The following TBCD variants were observed in gnomAD, a reference collection of about 807,000 sequenced individuals.
The protein encoded by TBCD is tubulin folding cofactor D.
TBCD carries 105 observed loss-of-function variants against 169.3 expected under a neutral mutation model. The observed-to-expected ratio is 0.62, with a 90% CI of 0.53 to 0.73. TBCD has a LOEUF of 0.73. Ranked by LOEUF, TBCD falls within the 30% of genes least tolerant of loss-of-function variation. TBCD has a pLI of 0.00. For missense variants in TBCD, 1,444 were observed against 1,600.1 expected (o/e 0.90, Z 1.66); for synonymous variants, 700 against 643.9 (o/e 1.09, Z -1.32).
intron 2 of TBCD, among the ~76,000 whole-genome samples, chr17:82,761,343 A>T (rs2047743886): frequency 6.6e-6 from 1 of 152,184 alleles, no homozygotes; most frequent in Middle Eastern, 3.2e-3. Context: ...ACGATTATAA[A>T]TTTTTATTCT....
Position 82,831,166 on chromosome 17 carries a change from A to G in TBCD, c.1318+16232A>G, listed in dbSNP as rs2053474523. ...GGCTGCCTTGTTGGAGAGGTCGTAC[A>G]GGCCTTCGCAGGTCTGGCTCGTCTG... On this transcript the variant is annotated intron_variant, in intron 13 of 38. Coordinates refer to ENST00000355528, the MANE Select transcript of TBCD (RefSeq NM_005993.5). The surrounding 1 kb of genome is among the most constrained non-coding windows in gnomAD (Gnocchi z 4.6). 6.2e-7 allele frequency: 1 copy of G among 1,614,000 alleles called. No individual in the cohort carries two copies. The highest frequency in any genetic ancestry group is 8.5e-7 in the Non-Finnish European group (1 of 1,180,036).
Position 82,889,634 on chromosome 17 carries a change from C to T in TBCD, c.1534-34C>T, listed in dbSNP as rs779782218. Reference sequence around the variant, plus strand: ...CTCTGGTGTTGGCGGAAGCTGACCTCGCTCACCTGCTGTGTTTGTTCTTTG... The same window carrying T: ...CTCTGGTGTTGGCGGAAGCTGACCTTGCTCACCTGCTGTGTTTGTTCTTTG... On this transcript the variant is annotated intron_variant, in intron 15 of 38. Coordinates refer to ENST00000355528, the MANE Select transcript of TBCD (RefSeq NM_005993.5). This position sits in a 1 kb window ranked among gnomAD's most constrained non-coding sequence, Gnocchi z 5.3. The T allele has an allele frequency of 1.5e-5, 25 of 1,613,646 alleles. No individual in the cohort carries two copies. Among genetic ancestry groups the T allele is most frequent in the African/African-American group, 4.0e-5 (3 of 74,906 alleles).
intron 9 of TBCD, 114 bp from the exon 10 acceptor site, chr17:82,805,761 C>T (rs1598610803): frequency 3.1e-6 from 4 of 1,287,628 alleles, no homozygotes; most frequent in South Asian, 1.4e-5. Context: ...CTGCAAAGTG[C>T]ATGGAATTTT....
At chr17:82,768,599 A>G (rs368618545) in intron 5 of TBCD, 33 bp downstream of exon 5, 4 of 1,607,934 alleles carry the variant, frequency 2.5e-6, no homozygotes, top group Non-Finnish European at 3.4e-6. Flanking sequence ...GCTGCTAATT[A>G]GTACTCACTT....
In TBCD at chr17:82,927,908, C is replaced by T. The variant is rs754620592; in HGVS notation, c.2613C>T (p.Val871=). 25 of 1,613,394 alleles carry T rather than the reference C, an allele frequency of 1.5e-5. No individual in the cohort carries two copies. The African/African-American group carries it at 2.4e-4, about 16-fold the overall frequency. ...CTGCCTCTCCTTGTCCCATCAGGGT[C>T]CGCAAGGCCGCCATGACCAGTCTGA... ...TDSRGDVGTW[V]RKAAMTSLMD... is the part of the protein sequence containing the mutation. The change falls in exon 30 of 39, where the codon GTC becomes GTT. Residue 871 remains valine, a synonymous_variant. Coordinates refer to ENST00000355528, the MANE Select transcript of TBCD (RefSeq NM_005993.5).
At chr17:82,918,228 G>A (rs1372194725) in intron 23 of TBCD, 2 of 152,316 alleles carry the variant, frequency 1.3e-5, no homozygotes, top group African/African-American at 2.4e-5. Flanking sequence ...GAGTGGCCAT[G>A]TGTGTCTAGT....
At chr17:82,774,670 C>T (rs1039833405) in intron 6 of TBCD, among the ~76,000 whole-genome samples, 3 of 152,018 alleles carry the variant, frequency 2.0e-5, no homozygotes, top group African/African-American at 4.8e-5. Context: ...GGCGGCCGGG[C>T]GGGGGCTGCC....
At position 82,831,011 on chromosome 17, in the gene TBCD, T is replaced by G; in HGVS notation, c.1318+16077T>G. ...CCCTTGGAGGTTTTGAAAATGACAT[T>G]TTCTTACCTTACTGGAGACTCTGCT... On this transcript the variant is annotated intron_variant, in intron 13 of 38. Coordinates refer to ENST00000355528, the MANE Select transcript of TBCD (RefSeq NM_005993.5). This position sits in a 1 kb window ranked among gnomAD's most constrained non-coding sequence, Gnocchi z 4.6. The G allele has an allele frequency of 6.2e-7, 1 of 1,613,996 alleles. No individual in the cohort carries two copies. The highest frequency in any genetic ancestry group is 8.5e-7 in the Non-Finnish European group (1 of 1,180,024).
chr17:82,754,144 C>T (rs1028073490), intron 1 of TBCD, among the ~76,000 whole-genome samples: 4 of 152,076 alleles, frequency 2.6e-5, no homozygotes, highest in African/African-American at 9.7e-5. Flanking sequence ...CAAAGTGAGC[C>T]ACCACGCCCG....
intron 13 of TBCD, among the ~76,000 whole-genome samples, chr17:82,822,845 A>G (rs1598721296): frequency 6.6e-6 from 1 of 152,324 alleles, no homozygotes; most frequent in South Asian, 2.1e-4. Flanking sequence ...AATGGTCTAC[A>G]AAGTTATGGA....
At position 82,923,539 on chromosome 17, in the gene TBCD, C is replaced by G. The variant is rs1478288565; in HGVS notation, c.2179-113C>G. 3.5e-6 allele frequency: 3 copies of G among 861,294 alleles called. No individual in the cohort carries two copies. The South Asian group carries it at 4.5e-5, about 13-fold the overall frequency. 53.4% of individuals were successfully genotyped at this position (861,294 alleles called of 1,614,324 possible). On this transcript the variant is annotated intron_variant, in intron 25 of 38. Transcript: ENST00000355528. This position sits in a 1 kb window ranked among gnomAD's most constrained non-coding sequence, Gnocchi z 4.6. ...GGGGCTGCTCTGACCTCAGGGTGAC[C>G]ACGGTGTCCCTGGTCAGGTGCTTCT...
At chr17:82,768,627 T>C in intron 5 of TBCD, 61 bp downstream of exon 5, 1 of 1,571,480 alleles carries the variant, frequency 6.4e-7, no homozygotes, top group Non-Finnish European at 8.7e-7. Flanking sequence ...CATGCTGTCT[T>C]GATGTTAGTG....
chr17:82,768,393 C>T (rs370221247), intron 4 of TBCD, 27 bp from the exon 5 acceptor site: 56 of 1,613,120 alleles, frequency 3.5e-5, no homozygotes, highest in Non-Finnish European at 3.6e-5. Context: ...AAGCAAGACT[C>T]ATTCTTCCCG....
At chr17:82,827,870 CACAGGCACACGTGCACACCCACA>C (rs2053022005) in intron 13 of TBCD, among the ~76,000 whole-genome samples, 1 of 131,564 alleles carries the variant, frequency 7.6e-6, no homozygotes, top group African/African-American at 3.2e-5. Context: ...CACACCCCCC[CACAGGCACACGTGCACACCCACA>C]CAATCTAATG....
At chr17:82,763,783 A>G (rs1229403550) in intron 2 of TBCD, among the ~76,000 whole-genome samples, 182 bp from the exon 3 acceptor site, 1 of 152,086 alleles carries the variant, frequency 6.6e-6, no homozygotes, top group African/African-American at 2.4e-5. Flanking sequence ...TCTGTTGCCC[A>G]GGCTGGAGTG....
intron 14 of TBCD, among the ~76,000 whole-genome samples, chr17:82,876,594 C>T (rs2057994007): frequency 6.6e-6 from 1 of 152,140 alleles, no homozygotes; most frequent in African/African-American, 2.4e-5. Flanking sequence ...GAAAATAGAG[C>T]CGTTTTAATA....
At chr17:82,888,551 G>T (rs946112715) in intron 15 of TBCD, among the ~76,000 whole-genome samples, 1 of 152,224 alleles carries the variant, frequency 6.6e-6, no homozygotes, top group Non-Finnish European at 1.5e-5. Context: ...CAAAGCAGCA[G>T]TCAGGCCTCC....
chr17:82,786,312 G>A (rs2049313412), intron 7 of TBCD, among the ~76,000 whole-genome samples: 1 of 152,178 alleles, frequency 6.6e-6, no homozygotes, highest in Admixed American at 6.5e-5. Context: ...GGTCAGGGGA[G>A]CAAATGGGAG....
At position 82,920,638 on chromosome 17, in the gene TBCD, A is replaced by G. The variant is rs540779505; in HGVS notation, c.2101+20A>G. ...TAATTGGTAAGTGCTTTTGTTTTTA[A>G]TAATAGCATTTTCTTACAGAATGAC... On this transcript the variant is annotated intron_variant, in intron 24 of 38. Coordinates refer to ENST00000355528, the MANE Select transcript of TBCD (RefSeq NM_005993.5). This position sits in a 1 kb window ranked among gnomAD's most constrained non-coding sequence, Gnocchi z 4.1. 3.3e-6 allele frequency: 5 copies of G among 1,534,596 alleles called. No homozygotes were observed. Among genetic ancestry groups the G allele is most frequent in the African/African-American group, 1.4e-5 (1 of 72,170 alleles).
Sources: gnomAD v4.1 joint callset for allele counts (sites outside exome capture counted in the v4.1 genomes callset) on GRCh38, gnomAD v4.1.1 for gene constraint, Gnocchi (gnomAD v3.1) non-coding constraint, MANE v1.5 for transcripts, NCBI Gene and HGNC (gene_info 2026-07-23, HGNC 2026-07-21) for gene names.